Variants in MATCAP2 observed in about 807,000 individuals in gnomAD.
MATCAP2 encodes the protein putative tyrosine carboxypeptidase MATCAP2.
chr7:36,331,074 A>G, the MATCAP2 span: 1 of 1,604,548 alleles, frequency 6.2e-7, no homozygotes. Flanking sequence ...TCTTTACTAA[A>G]ACACCCTGGA....
chr7:36,389,212 C>G, the MATCAP2 span, among the ~76,000 whole-genome samples: 1 of 152,134 alleles, frequency 6.6e-6, no homozygotes, highest in African/African-American at 2.4e-5. Flanking sequence ...AGGCACGCGC[C>G]ACCATGCCTA....
chr7:36,349,260 G>C, the MATCAP2 span, among the ~76,000 whole-genome samples: 1 of 152,174 alleles, frequency 6.6e-6, no homozygotes, highest in South Asian at 2.1e-4. Flanking sequence ...AGGAGCAAAA[G>C]TACTTTTGCC....
the MATCAP2 span, among the ~76,000 whole-genome samples, chr7:36,380,006 T>C: frequency 1.3e-5 from 2 of 152,226 alleles, no homozygotes; most frequent in Non-Finnish European, 2.9e-5. Context: ...AACTTTTCTG[T>C]AAGTCTGAAA....
the MATCAP2 span, chr7:36,357,527 A>G: frequency 6.2e-7 from 1 of 1,614,004 alleles, no homozygotes; most frequent in South Asian, 1.1e-5. Context: ...GTCAATGATC[A>G]ATGAATCTTC....
chr7:36,346,880 C>T, the MATCAP2 span, among the ~76,000 whole-genome samples: 1 of 152,176 alleles, frequency 6.6e-6, no homozygotes, highest in Admixed American at 6.5e-5. Flanking sequence ...CCTGCCTCAG[C>T]CTCCTGAGTA....
At chr7:36,378,610 G>A in the MATCAP2 span, among the ~76,000 whole-genome samples, 1 of 152,188 alleles carries the variant, frequency 6.6e-6, no homozygotes, top group Admixed American at 6.5e-5. Context: ...ACCATGCTGG[G>A]AGAACCACTG....
At chr7:36,331,992 C>T in the MATCAP2 span, among the ~76,000 whole-genome samples, 4 of 151,900 alleles carry the variant, frequency 2.6e-5, no homozygotes, top group Admixed American at 6.6e-5. Flanking sequence ...TATAGGAAAA[C>T]GAATTTGGAA....
At chr7:36,386,447 A>ATGTGTGTGTGTGTGTG in the MATCAP2 span, among the ~76,000 whole-genome samples, 23 of 148,436 alleles carry the variant, frequency 1.5e-4, no homozygotes, top group Non-Finnish European at 7.5e-5. Context: ...GTATGTGTGT[A>ATGTGTGTGTGTGTGTG]TGTGTGTGTG....
chr7:36,382,946 T>G, the MATCAP2 span, among the ~76,000 whole-genome samples: 1 of 152,214 alleles, frequency 6.6e-6, no homozygotes. Flanking sequence ...ATTAACCACG[T>G]GAGAAAATAA....
chr7:36,334,427 C>G, the MATCAP2 span, among the ~76,000 whole-genome samples: 1 of 148,530 alleles, frequency 6.7e-6, no homozygotes, highest in Non-Finnish European at 1.5e-5. Flanking sequence ...CCCAGCTACT[C>G]AGGAGGCTGA....
the MATCAP2 span, among the ~76,000 whole-genome samples, chr7:36,377,091 C>T: frequency 1.3e-5 from 2 of 152,052 alleles, no homozygotes; most frequent in African/African-American, 4.8e-5. Context: ...GGGCATTTAG[C>T]CCATTTACAT....
chr7:36,357,340 A>G, the MATCAP2 span: 1 of 1,614,074 alleles, frequency 6.2e-7, no homozygotes, highest in Non-Finnish European at 8.5e-7. Context: ...TGCTACGAGA[A>G]GTGTTAGGAG....
At chr7:36,368,660 ACT>A in the MATCAP2 span, among the ~76,000 whole-genome samples, 8 of 152,176 alleles carry the variant, frequency 5.3e-5, no homozygotes, top group Admixed American at 2.0e-4. Flanking sequence ...AGATCATGTC[ACT>A]CTGTTCAAAA....
chr7:36,363,348 G>A, the MATCAP2 span, among the ~76,000 whole-genome samples: 35 of 152,244 alleles, frequency 2.3e-4, no homozygotes, highest in East Asian at 3.9e-3. Context: ...AAATAAAGCC[G>A]ATAGGCAATC....
chr7:36,383,377 G>A, the MATCAP2 span, among the ~76,000 whole-genome samples: 20 of 152,154 alleles, frequency 1.3e-4, no homozygotes, highest in African/African-American at 3.9e-4. Flanking sequence ...TGTTTACTGC[G>A]GCACTGTTCA....
At chr7:36,333,748 T>G in the MATCAP2 span, 1 of 998,430 alleles carries the variant, frequency 1.0e-6, no homozygotes, top group Non-Finnish European at 1.5e-6. Flanking sequence ...TAACAAAGAT[T>G]TCATTTTTTT....
the MATCAP2 span, among the ~76,000 whole-genome samples, chr7:36,372,879 C>T: frequency 2.2e-4 from 33 of 152,182 alleles, 1 homozygote; most frequent in South Asian, 5.8e-3. Flanking sequence ...CCAAGGTGGG[C>T]GGATCACCTG....
chr7:36,370,469 T>C, the MATCAP2 span, among the ~76,000 whole-genome samples: 1 of 152,206 alleles, frequency 6.6e-6, no homozygotes, highest in East Asian at 1.9e-4. Context: ...TTTTGTTTTT[T>C]ATTTTTATTT....
At chr7:36,335,604 T>C in the MATCAP2 span, among the ~76,000 whole-genome samples, 1 of 152,170 alleles carries the variant, frequency 6.6e-6, no homozygotes, top group Non-Finnish European at 1.5e-5. Flanking sequence ...GCAATTTTCA[T>C]AAAGTAATTC....
Sources: allele counts gnomAD v4.1 joint callset (sites outside exome capture counted in the v4.1 genomes callset), GRCh38; gene constraint gnomAD v4.1.1; transcripts MANE v1.5; gene names NCBI Gene and HGNC (gene_info 2026-07-23, HGNC 2026-07-21).